Variants in SMG8 observed in about 807,000 individuals in gnomAD.
SMG8 encodes SMG8 nonsense mediated mRNA decay factor.
A neutral mutation model predicts 82.1 loss-of-function variants in SMG8; 49 were observed. The ratio of observed to expected loss-of-function variants is 0.60; its 90% CI spans 0.47 to 0.76. The LOEUF is 0.76. Ranked by LOEUF, SMG8 falls within the 30% of genes least tolerant of loss-of-function variation. The pLI is 0.00. For synonymous variants in SMG8, 404 were observed against 430.0 expected (o/e 0.94, Z 0.75); for missense variants, 969 against 1,166.4 (o/e 0.83, Z 2.46).
In SMG8 at chr17:59,211,328, G is replaced by T. The variant is rs112307391; in HGVS notation, c.1277G>T (p.Gly426Val). 1 of 1,614,148 alleles carries T rather than the reference G, an allele frequency of 6.2e-7. No individual in the cohort carries two copies. Among genetic ancestry groups the T allele is most frequent in the Non-Finnish European group, 8.5e-7 (1 of 1,180,018 alleles). The part of the protein sequence containing the change: ...QHVELVLSKK[G>V]FDDSVGRNPQ... ...GTGGAGCTAGTTCTAAGCAAGAAAG[G>T]TTTCGATGACAGTGTGGGCAGGAAC... The change falls in exon 1 of 4, where the codon GGT (glycine) becomes GTT (valine). Residue 426 changes from glycine to valine, a missense_variant. Transcript: ENST00000300917.
At position 59,211,462 on chromosome 17, in the gene SMG8, A is replaced by G. The variant is rs1365715610; in HGVS notation, c.1411A>G (p.Thr471Ala). 7 of 1,614,046 alleles carry G rather than the reference A, an allele frequency of 4.3e-6. No homozygotes were observed. The highest frequency in any genetic ancestry group is 5.1e-6 in the Non-Finnish European group (6 of 1,180,008). The change falls in exon 1 of 4, where the codon ACT becomes GCT. Residue 471 changes from threonine (T) to alanine (A), a missense_variant. Thr to Ala is a moderately conservative substitution (Grantham distance 58). Transcript: ENST00000300917. The stretch of plus-strand genomic sequence containing the variant: ...GAAAGAAGAGGACTTGGGGTCACCC[A>G]CTGGAGAGCTAACATCTAAGATTTT... ...DGKEEDLGSP[T>A]GELTSKILSS...
rs1454245651 is a variant in SMG8 at position 59,210,747 on chromosome 17, G to A, written c.696G>A (p.Gly232=). 6.2e-7 allele frequency: 1 copy of A among 1,614,036 alleles called. No homozygotes were observed. The highest frequency in any genetic ancestry group is 1.7e-5 in the Admixed American group (1 of 60,004). The change falls in exon 1 of 4, where the codon GGG becomes GGA. Residue 232 remains glycine, a synonymous_variant. Coordinates refer to ENST00000300917, the MANE Select transcript of SMG8 (RefSeq NM_018149.7). ...ATCGAGTATTCAGAGCCCTGGATGG[G>A]CTGAGACAGAAGGTCCTGCCGCTCC... The part of the protein sequence containing the change: ...TYDRVFRALD[G]LRQKVLPLLK...
In SMG8 at chr17:59,210,592, C is replaced by T. The variant is rs1328624570; in HGVS notation, c.541C>T (p.Pro181Ser). ...SGEAGGGLSL[P>S]HAEAHEFWKH... The stretch of plus-strand genomic sequence containing the variant: ...GGAAGCTGGAGGTGGACTCTCTTTA[C>T]CTCATGCAGAAGCACACGAGTTCTG... Residue 181 changes from proline to serine, a missense_variant, in exon 1 of 4, where the codon CCT becomes TCT. Around this residue, in one of 3 missense-constraint regions of SMG8, gnomAD observed 662 missense variants for 884.8 expected, o/e 0.75. Coordinates refer to ENST00000300917, the MANE Select transcript of SMG8 (RefSeq NM_018149.7). 1 of 1,597,890 alleles carries T rather than the reference C, an allele frequency of 6.3e-7. No individual in the cohort carries two copies. Among genetic ancestry groups the T allele is most frequent in the Non-Finnish European group, 8.5e-7 (1 of 1,173,090 alleles).
chr17:59,213,339 G>A lies in SMG8; in HGVS notation c.2516G>A (p.Arg839Gln), dbSNP rs199568785. ...GTTGTAATGGGAAGAGGAAGACGGC[G>A]AGATGACATAGCTCGAGCTTTTGTG... The part of the protein sequence containing the change: ...SAVVMGRGRR[R>Q]DDIARAFVGF... The change falls in exon 3 of 4, where the codon CGA becomes CAA. Residue 839 changes from arginine (R) to glutamine (Q), a missense_variant. Arg to Gln is a conservative substitution (Grantham distance 43). Transcript: ENST00000300917. 2.8e-5 allele frequency: 45 copies of A among 1,614,084 alleles called. No individual in the cohort carries two copies. In the African/African-American group the frequency reaches 4.0e-4, roughly 14 times the overall value.
Position 59,211,730 on chromosome 17 carries a change from G to A in SMG8, c.1679G>A (p.Ser560Asn), listed in dbSNP as rs776273745. Residue 560 changes from serine (S) to asparagine (N), a missense_variant, in exon 1 of 4, where the codon AGC (serine) becomes AAC (asparagine). Around this residue, in one of 3 missense-constraint regions of SMG8, gnomAD observed 662 missense variants for 884.8 expected, o/e 0.75. Coordinates refer to ENST00000300917, the MANE Select transcript of SMG8 (RefSeq NM_018149.7). ...CATGAGGACTGCTACAAATTTTGGAGCAATGGCCATCAGCTCTGTGAGGAG... is the reference window on the plus strand; with the variant it reads ...CATGAGGACTGCTACAAATTTTGGAACAATGGCCATCAGCTCTGTGAGGAG... ...QLHEDCYKFW[S>N]NGHQLCEERS... 1 of 1,613,332 alleles carries A rather than the reference G, an allele frequency of 6.2e-7. No homozygotes were observed. The highest frequency in any genetic ancestry group is 8.5e-7 in the Non-Finnish European group (1 of 1,179,788).
intron 1 of SMG8, chr17:59,212,074 T>C: frequency 2.3e-6 from 1 of 428,214 alleles, no homozygotes; most frequent in Non-Finnish European, 4.1e-6. Flanking sequence ...AGACATCTCA[T>C]ATTAACACTT....
chr17:59,214,285 C>G (rs1461684364), intron 3 of SMG8, among the ~76,000 whole-genome samples: 2 of 151,448 alleles, frequency 1.3e-5, no homozygotes, highest in South Asian at 4.2e-4. Flanking sequence ...AGACTCCATT[C>G]CCCCTGCAAA....
chr17:59,214,930 C>T lies in SMG8; in HGVS notation c.2904C>T (p.Phe968=), dbSNP rs758979977. Residue 968 remains phenylalanine (F), a synonymous_variant, in exon 4 of 4, where the codon TTC becomes TTT. Coordinates refer to ENST00000300917, the MANE Select transcript of SMG8 (RefSeq NM_018149.7). ...YAYVTERGPC[F]PPKENVQLMS... ...ATGTGACTGAGAGAGGACCTTGTTTCCCCCCTAAGGAAAATGTGCAGTTAA... is the reference window on the plus strand; with the variant it reads ...ATGTGACTGAGAGAGGACCTTGTTTTCCCCCTAAGGAAAATGTGCAGTTAA... 6.9e-6 allele frequency: 6 copies of T among 872,726 alleles called. No individual in the cohort carries two copies. Among genetic ancestry groups the T allele is most frequent in the Non-Finnish European group, 1.2e-5 (6 of 501,672 alleles). 54.1% of individuals were successfully genotyped at this position (872,726 alleles called of 1,614,324 possible).
chr17:59,211,936 C>G (rs754295704), intron 1 of SMG8, 126 bp downstream of exon 1: 17 of 801,684 alleles, frequency 2.1e-5, no homozygotes, highest in Non-Finnish European at 3.1e-5. Flanking sequence ...TTAGGTGCAT[C>G]AGCTATACGT....
chr17:59,211,743 G>C lies in SMG8; in HGVS notation c.1692G>C (p.Gln564His). The C allele has an allele frequency of 2.5e-6, 4 of 1,610,936 alleles. No individual in the cohort carries two copies. Among genetic ancestry groups the C allele is most frequent in the Non-Finnish European group, 3.4e-6 (4 of 1,178,934 alleles). The part of the protein sequence containing the change: ...DCYKFWSNGH[Q>H]LCEERSLTDQ... ...ACAAATTTTGGAGCAATGGCCATCAGCTCTGTGAGGAGAGGAGTTTAACTG... is the reference window on the plus strand; with the variant it reads ...ACAAATTTTGGAGCAATGGCCATCACCTCTGTGAGGAGAGGAGTTTAACTG... Residue 564 changes from glutamine (Q) to histidine (H), a missense_variant, in exon 1 of 4, where the codon CAG (glutamine) becomes CAC (histidine). Transcript: ENST00000300917.
Position 59,211,814 on chromosome 17 carries a change from G to A in SMG8, c.1759+4G>A, listed in dbSNP as rs762499373. ...TTTCACTCATTACCTAAATCAGGTA[G>A]CTAAAATTTGTTCAGCATTTTGAAA... On this transcript the variant is annotated splice_donor_region_variant and intron_variant, in intron 1 of 3. Transcript: ENST00000300917. The A allele has an allele frequency of 6.6e-7, 1 of 1,511,870 alleles. No individual in the cohort carries two copies. The highest frequency in any genetic ancestry group is 8.8e-7 in the Non-Finnish European group (1 of 1,136,922). 93.7% of individuals were successfully genotyped at this position (1,511,870 alleles called of 1,614,324 possible). A position where few individuals can be genotyped will look rare whatever the true frequency, so the allele number is the denominator to read the frequency against.
chr17:59,210,236 C>G lies in SMG8; in HGVS notation c.185C>G (p.Ser62Cys), dbSNP rs749425727. 2 of 1,610,684 alleles carry G rather than the reference C, an allele frequency of 1.2e-6. No individual in the cohort carries two copies. The highest frequency in any genetic ancestry group is 1.7e-5 in the Admixed American group (1 of 59,296). ...IFGKTALRLN[S>C]EKFSLVNTVC... ...GGCAAGACGGCTCTACGCCTGAATT[C>G]CGAGAAGTTCTCTCTTGTGAATACG... is the stretch of plus-strand genomic sequence containing the variant. Residue 62 changes from serine (S) to cysteine (C), a missense_variant, in exon 1 of 4, where the codon TCC (serine) becomes TGC (cysteine). This residue lies in a region of SMG8 where 206 missense variants were observed against 190.5 expected (regional missense o/e 1.08). Coordinates refer to ENST00000300917, the MANE Select transcript of SMG8 (RefSeq NM_018149.7).
In SMG8 at chr17:59,210,582, ACT is replaced by A. The variant is rs1363594824; in HGVS notation, c.536_537del (p.Ser179PhefsTer41). On this transcript the variant is annotated frameshift_variant, in exon 1 of 4. Coordinates refer to ENST00000300917, the MANE Select transcript of SMG8 (RefSeq NM_018149.7). LOFTEE classifies it high-confidence loss of function. ...ALQSGEAGGG[L>X]SLPHAEAHEF... The stretch of plus-strand genomic sequence containing the variant: ...TTCAGAGCGGGGAAGCTGGAGGTGG[ACT>A]CTCTTTACCTCATGCAGAAGCACAC... The A allele has an allele frequency of 1.3e-6, 2 of 1,582,298 alleles. No homozygotes were observed. The highest frequency in any genetic ancestry group is 1.2e-5 in the South Asian group (1 of 85,340).
chr17:59,210,760 G>GTCC lies in SMG8; in HGVS notation c.711_713dup (p.Leu238dup), dbSNP rs1179927252. ...AGCCCTGGATGGGCTGAGACAGAAG[G>GTCC]TCCTGCCGCTCCTTAAAACAGCCAT... On this transcript the variant is annotated inframe_insertion, in exon 1 of 4. Transcript: ENST00000300917. The GTCC allele has an allele frequency of 6.2e-7, 1 of 1,614,034 alleles. No individual in the cohort carries two copies. The highest frequency in any genetic ancestry group is 8.5e-7 in the Non-Finnish European group (1 of 1,179,994).
Position 59,211,205 on chromosome 17 carries a change from A to G in SMG8, c.1154A>G (p.His385Arg). ...GPRRYQVMRQ[H>R]SRQQLSFHID... ...AGGCGATACCAGGTGATGAGGCAGC[A>G]CAGCCGACAACAACTTTCCTTTCAC... is the stretch of plus-strand genomic sequence containing the variant. Residue 385 changes from histidine to arginine, a missense_variant, in exon 1 of 4, where the codon CAC becomes CGC. His to Arg is a conservative substitution (Grantham distance 29). Transcript: ENST00000300917. 1.2e-6 allele frequency: 2 copies of G among 1,614,236 alleles called. No homozygotes were observed. Among genetic ancestry groups the G allele is most frequent in the Non-Finnish European group, 1.7e-6 (2 of 1,180,036 alleles).
Position 59,213,154 on chromosome 17 carries a change from T to C in SMG8, c.2331T>C (p.Tyr777=), listed in dbSNP as rs752251413. 1.9e-5 allele frequency: 30 copies of C among 1,614,112 alleles called. No individual in the cohort carries two copies. The highest frequency in any genetic ancestry group is 1.6e-4 in the Middle Eastern group (1 of 6,084). ...SLVKLGPAKS[Y]NFHTGLDQQG... The stretch of plus-strand genomic sequence containing the variant: ...TTAAACTAGGCCCTGCTAAGTCTTA[T>C]AACTTTCATACAGGTTTGGACCAAC... Residue 777 remains tyrosine (Y), a synonymous_variant, in exon 3 of 4, where the codon TAT becomes TAC. Transcript: ENST00000300917.
Position 59,212,810 on chromosome 17 carries a change from G to A in SMG8, c.1987G>A (p.Ala663Thr). The A allele has an allele frequency of 3.1e-6, 5 of 1,613,962 alleles. No homozygotes were observed. The highest frequency in any genetic ancestry group is 4.2e-6 in the Non-Finnish European group (5 of 1,180,004). ...ACCAAGTACTCCAGATCCTGCTCCT[G>A]CTAAAAATGAATCCTCTCCTGCTCC... The part of the protein sequence containing the change: ...FEPSTPDPAP[A>T]KNESSPAPPD... The change falls in exon 3 of 4, where the codon GCT becomes ACT. Residue 663 changes from alanine to threonine, a missense_variant. This residue lies in a region of SMG8 where 662 missense variants were observed against 884.8 expected (regional missense o/e 0.75). Transcript: ENST00000300917.
chr17:59,210,585 C>G lies in SMG8; in HGVS notation c.534C>G (p.Leu178=). The part of the protein sequence containing the change: ...ALQSGEAGGG[L]SLPHAEAHEF... ...AGAGCGGGGAAGCTGGAGGTGGACT[C>G]TCTTTACCTCATGCAGAAGCACACG... The change falls in exon 1 of 4, where the codon CTC becomes CTG. Residue 178 remains leucine (L), a synonymous_variant. Transcript: ENST00000300917. 1.3e-6 allele frequency: 2 copies of G among 1,594,900 alleles called. No individual in the cohort carries two copies. The highest frequency in any genetic ancestry group is 8.5e-7 in the Non-Finnish European group (1 of 1,171,684).
chr17:59,213,750 G>A, intron 3 of SMG8, 149 bp downstream of exon 3: 2 of 1,044,420 alleles, frequency 1.9e-6, no homozygotes, highest in Non-Finnish European at 2.7e-6. Context: ...ACTTTGGGAG[G>A]CCAAGGTGGG....
Sources: allele counts gnomAD v4.1 joint callset (sites outside exome capture counted in the v4.1 genomes callset), GRCh38; gene constraint gnomAD v4.1.1; regional missense constraint gnomAD v4.1.1; transcripts MANE v1.5; gene names NCBI Gene and HGNC (gene_info 2026-07-23, HGNC 2026-07-21).